The following MAP4K4 variants were observed in gnomAD, a reference collection of about 807,000 sequenced individuals.
MAP4K4 encodes the protein mitogen-activated protein kinase kinase kinase kinase 4.
In MAP4K4, 38 loss-of-function variants were observed where a neutral mutation model predicts 189.6. The observed-to-expected ratio is 0.20, with a 90% CI of 0.15 to 0.26. The LOEUF is 0.26. Among genes scored for constraint, MAP4K4 ranks in the 10% least tolerant of loss-of-function variants. The pLI is 1.00. For missense variants in MAP4K4, 1,054 were observed against 1,726.9 expected, an observed-to-expected ratio of 0.61 and a Z score of 6.91; for synonymous variants, 610 against 624.3, an observed-to-expected ratio of 0.98 and a Z score of 0.34.
intron 2 of MAP4K4, among the ~76,000 whole-genome samples, chr2:101,728,459 A>G (rs1180742848): frequency 1.3e-5 from 2 of 152,140 alleles, no homozygotes; most frequent in African/African-American, 4.8e-5. Context: ...TTTCAAACCT[A>G]TAGTAAAGTT....
In MAP4K4 at chr2:101,859,265, A is replaced by G. The variant is rs145097202; in HGVS notation, c.1482+183A>G. Among the ~76,000 whole-genome samples the G allele has an allele frequency of 4.6e-5, 7 of 152,308 alleles. No individual in the cohort carries two copies. In the East Asian group the frequency reaches 1.4e-3, roughly 29 times the overall value. ...TGCAACATGGTCTTTATTTATTTAT[A>G]TCTCTTTAATAAGTTAATTGTTCTT... On this transcript the variant is annotated intron_variant, in intron 14 of 32. Coordinates refer to ENST00000324219, the Ensembl canonical transcript of MAP4K4.
rs915609876 is a variant in MAP4K4, at chr2:101,889,501, G to A, written c.4071+566G>A. Among the ~76,000 whole-genome samples the A allele has an allele frequency of 5.9e-5, 9 of 152,236 alleles. No individual in the cohort carries two copies. In the South Asian group the frequency reaches 8.3e-4, roughly 14 times the overall value. On this transcript the variant is annotated intron_variant, in intron 32 of 32. Transcript: ENST00000324219. ...AAACTGGCCATATCACTCCAGGGACGATTCCTGTGGCACCTTCCTCCCAGG... is the reference window on the plus strand; with the variant it reads ...AAACTGGCCATATCACTCCAGGGACAATTCCTGTGGCACCTTCCTCCCAGG...
chr2:101,848,091 T>C (rs1330158636), intron 12 of MAP4K4, among the ~76,000 whole-genome samples: 1 of 152,212 alleles, frequency 6.6e-6, no homozygotes, highest in Non-Finnish European at 1.5e-5. Flanking sequence ...TCTAGGTTTG[T>C]GTGTGCACAC....
At chr2:101,835,211 C>T (rs904852934) in intron 8 of MAP4K4, among the ~76,000 whole-genome samples, 8 of 152,322 alleles carry the variant, frequency 5.3e-5, no homozygotes, top group Admixed American at 2.6e-4. Flanking sequence ...GAAGTACCAC[C>T]TCATCCTTTC....
intron 3 of MAP4K4, among the ~76,000 whole-genome samples, chr2:101,818,955 T>C (rs1040199172): frequency 5.9e-5 from 9 of 152,240 alleles, no homozygotes; most frequent in African/African-American, 1.9e-4. Flanking sequence ...CTCTCTCCTC[T>C]TCAAGTTACT....
At chr2:101,808,527 C>G (rs896474176) in intron 3 of MAP4K4, among the ~76,000 whole-genome samples, 4 of 151,518 alleles carry the variant, frequency 2.6e-5, no homozygotes, top group Admixed American at 1.3e-4. Context: ...ATGTATTCCC[C>G]CTGTTACACC....
chr2:101,887,017 T>TC (rs2098497221), intron 29 of MAP4K4, 71 bp from the exon 30 acceptor site: 2 of 1,123,222 alleles, frequency 1.8e-6, no homozygotes, highest in Admixed American at 6.3e-5. Context: ...AGAGCGAGAC[T>TC]CCGTCTCAAA....
At chr2:101,883,755 C>T (rs1015038690) in intron 28 of MAP4K4, among the ~76,000 whole-genome samples, 2 of 151,648 alleles carry the variant, frequency 1.3e-5, no homozygotes, top group Admixed American at 6.6e-5. Flanking sequence ...TCCTCTGTTC[C>T]GAGGGATGTT....
At position 101,753,345 on chromosome 2, in the gene MAP4K4, T is replaced by C. The variant is rs77042141; in HGVS notation, c.124-37375T>C. Reference sequence around the variant, plus strand: ...CTTTTCCCTTGCCTACCCCATAACATGCATTTTCAAAGAAAATCTTTGTTT... The same window carrying C: ...CTTTTCCCTTGCCTACCCCATAACACGCATTTTCAAAGAAAATCTTTGTTT... On this transcript the variant is annotated intron_variant, in intron 2 of 32. Transcript: ENST00000324219. 2.7e-3 allele frequency among the ~76,000 whole-genome samples: 418 copies of C among 152,320 alleles called. 2 individuals are homozygous for C. Among genetic ancestry groups the C allele is most frequent in the Middle Eastern group, 0.01 (3 of 294 alleles).
At chr2:101,818,312 A>G (rs1429284080) in intron 3 of MAP4K4, among the ~76,000 whole-genome samples, 1 of 152,144 alleles carries the variant, frequency 6.6e-6, no homozygotes, top group African/African-American at 2.4e-5. Context: ...ATATTTGTAT[A>G]TCTCATTTTA....
At chr2:101,836,161 TTC>T (rs1488487854) in intron 9 of MAP4K4, among the ~76,000 whole-genome samples, 183 bp downstream of exon 9, 1 of 152,210 alleles carries the variant, frequency 6.6e-6, no homozygotes, top group Non-Finnish European at 1.5e-5. Context: ...TCTTGTTAAA[TTC>T]TCTCTGAATT....
chr2:101,876,735 A>T (rs1397146184), intron 26 of MAP4K4, among the ~76,000 whole-genome samples: 1 of 152,230 alleles, frequency 6.6e-6, no homozygotes, highest in African/African-American at 2.4e-5. Context: ...CTAATGGATT[A>T]TTAAGGAAAT....
At chr2:101,877,207 C>T (rs933707924) in intron 27 of MAP4K4, 61 bp downstream of exon 27, 6 of 1,548,312 alleles carry the variant, frequency 3.9e-6, no homozygotes, top group African/African-American at 2.7e-5. Context: ...TGTAGCTTTA[C>T]ACACTAAACT....
At chr2:101,752,592 G>A (rs1416888025) in intron 2 of MAP4K4, among the ~76,000 whole-genome samples, 2 of 152,210 alleles carry the variant, frequency 1.3e-5, no homozygotes, top group Non-Finnish European at 2.9e-5. Flanking sequence ...GGGAAAGAAA[G>A]AGGATGACAT....
intron 2 of MAP4K4, among the ~76,000 whole-genome samples, chr2:101,760,231 C>G (rs1040088443): frequency 3.9e-5 from 6 of 151,976 alleles, no homozygotes; most frequent in African/African-American, 1.5e-4. Flanking sequence ...GGGCTCACCC[C>G]TGTAATCCCA....
At chr2:101,845,481 ACAGACCTAGATGGTACAGCCTACTGCG>A (rs1366591591) in intron 12 of MAP4K4, among the ~76,000 whole-genome samples, 7 of 152,192 alleles carry the variant, frequency 4.6e-5, no homozygotes, top group Non-Finnish European at 1.0e-4. Context: ...GTGTACCTAC[ACAGACCTAGATGGTACAGCCTACTGCG>A]CACCTAGACT....
At chr2:101,867,443 C>A in intron 20 of MAP4K4, 134 bp downstream of exon 20, 1 of 646,944 alleles carries the variant, frequency 1.5e-6, no homozygotes, top group South Asian at 1.9e-5. Context: ...TAAGGAATGA[C>A]CTAAACCCCA....
chr2:101,771,443 A>G (rs1188883729), intron 2 of MAP4K4, among the ~76,000 whole-genome samples: 1 of 152,122 alleles, frequency 6.6e-6, no homozygotes, highest in Non-Finnish European at 1.5e-5. Context: ...TTTGTCTTTA[A>G]GCATACCAGC....
chr2:101,871,532 C>A, exon 24 of MAP4K4: 1 of 1,535,954 alleles, frequency 6.5e-7, no homozygotes, highest in Non-Finnish European at 8.7e-7. Flanking sequence ...ATCATGAGAG[C>A]AATGGCTTTG....
Sources: allele counts gnomAD v4.1 joint callset (sites outside exome capture counted in the v4.1 genomes callset), GRCh38; gene constraint gnomAD v4.1.1; transcripts MANE v1.5; gene names NCBI Gene and HGNC (gene_info 2026-07-23, HGNC 2026-07-21).